KCNH8: variants seen among roughly 807,000 people sequenced by gnomAD.
KCNH8 encodes the protein voltage-gated delayed rectifier potassium channel KCNH8.
Under a neutral mutation model 103.6 loss-of-function variants are expected in KCNH8, and 70 were observed. The ratio of observed to expected loss-of-function variants is 0.68; its 90% confidence interval spans 0.56 to 0.82. The LOEUF is 0.82. Ranked by LOEUF, KCNH8 falls within the 40% of genes least tolerant of loss-of-function variation. KCNH8 has a pLI of 0.00. For missense variants in KCNH8, 1,217 were observed against 1,329.9 expected, an observed-to-expected ratio of 0.92 and a Z score of 1.32; for synonymous variants, 498 against 489.4, an observed-to-expected ratio of 1.02 and a Z score of -0.23.
chr3:19,388,710 T>C (rs779510158), intron 5 of KCNH8, among the ~76,000 whole-genome samples: 27 of 152,142 alleles, frequency 1.8e-4, no homozygotes, highest in Admixed American at 3.9e-4. Context: ...GTTTTCTTTT[T>C]GGGTCACCCA....
intron 2 of KCNH8, among the ~76,000 whole-genome samples, chr3:19,273,183 C>T (rs978317107): frequency 6.6e-6 from 1 of 152,208 alleles, no homozygotes; most frequent in Non-Finnish European, 1.5e-5. Flanking sequence ...ATAGATTCCT[C>T]CAACTAAAGC....
chr3:19,290,040 C>G (rs904159553), intron 3 of KCNH8, among the ~76,000 whole-genome samples: 3 of 152,016 alleles, frequency 2.0e-5, no homozygotes, highest in Non-Finnish European at 4.4e-5. Flanking sequence ...TGATTTGGCT[C>G]TCTGTTTGTC....
At chr3:19,436,973 T>C (rs2067208637) in intron 7 of KCNH8, among the ~76,000 whole-genome samples, 2 of 152,182 alleles carry the variant, frequency 1.3e-5, no homozygotes, top group Non-Finnish European at 2.9e-5. Flanking sequence ...TAAGGCACAG[T>C]ACTTGCCCTT....
intron 1 of KCNH8, among the ~76,000 whole-genome samples, chr3:19,253,403 A>G (rs897555364): frequency 6.6e-6 from 1 of 151,948 alleles, no homozygotes; most frequent in Admixed American, 6.6e-5. Context: ...TAGGTGCCAC[A>G]AAGCAGACCA....
At position 19,288,181 on chromosome 3, in the gene KCNH8, C is replaced by CTTTTTTTTTTTCTTTTT. The variant is rs2064861256; in HGVS notation, c.442+6863_442+6864insCTTTTTTTTTTTTTTTT. Among the ~76,000 whole-genome samples the CTTTTTTTTTTTCTTTTT allele has an allele frequency of 1.0e-3, 38 of 38,170 alleles. 4 individuals are homozygous for CTTTTTTTTTTTCTTTTT. The highest frequency in any genetic ancestry group is 3.7e-3 in the African/African-American group (38 of 10,386). The allele number at this position is 38,170 out of a possible 152,430, so 25.0% of individuals were successfully genotyped here. A position where few individuals can be genotyped will look rare whatever the true frequency, so the allele number is the denominator to read the frequency against. ...CTTCTTGCACCGGTGTATCAAACTT[C>CTTTTTTTTTTTCTTTTT]TTTTTTTTTTTTTTTTTTTTTTTTT... On this transcript the variant is annotated intron_variant, in intron 3 of 15. Transcript: ENST00000328405.
At chr3:19,303,139 C>T (rs2065085315) in intron 3 of KCNH8, among the ~76,000 whole-genome samples, 1 of 152,114 alleles carries the variant, frequency 6.6e-6, no homozygotes, top group South Asian at 2.1e-4. Context: ...TTAGTGCAAT[C>T]AGAAAGCTTG....
At chr3:19,387,851 T>G (rs9818641) in intron 5 of KCNH8, among the ~76,000 whole-genome samples, 1 of 151,800 alleles carries the variant, frequency 6.6e-6, no homozygotes, top group Non-Finnish European at 1.5e-5. Flanking sequence ...TTTTCATTCC[T>G]TTAACTCAAT....
chr3:19,469,488 G>A (rs911328590), intron 11 of KCNH8, among the ~76,000 whole-genome samples: 2 of 152,054 alleles, frequency 1.3e-5, no homozygotes, highest in Non-Finnish European at 2.9e-5. Context: ...CACCCGGGCT[G>A]GAATGCAGTG....
intron 4 of KCNH8, among the ~76,000 whole-genome samples, chr3:19,343,174 A>C (rs1575541981): frequency 6.6e-6 from 1 of 152,120 alleles, no homozygotes; most frequent in Non-Finnish European, 1.5e-5. Flanking sequence ...CCATTAAAAA[A>C]CTTACATTTT....
At chr3:19,334,724 C>G (rs2065558377) in intron 3 of KCNH8, among the ~76,000 whole-genome samples, 1 of 147,988 alleles carries the variant, frequency 6.8e-6, no homozygotes, top group Admixed American at 6.7e-5. Flanking sequence ...AAAAAAAAAG[C>G]CTAGAACAAA....
At chr3:19,258,947 C>CTCTCTCTCTCTCTCTATATA (rs1321918245) in intron 2 of KCNH8, among the ~76,000 whole-genome samples, 1 of 24,802 alleles carries the variant, frequency 4.0e-5, no homozygotes, top group Non-Finnish European at 8.0e-5. Context: ...CTCTCTCTCT[C>CTCTCTCTCTCTCTCTATATA]TATATATATA....
chr3:19,498,440 T>G (rs1011272150), intron 11 of KCNH8, among the ~76,000 whole-genome samples: 3 of 152,210 alleles, frequency 2.0e-5, no homozygotes, highest in Non-Finnish European at 4.4e-5. Context: ...GCAGGCATGG[T>G]GGTAATGAAT....
chr3:19,338,374 A>G (rs934104084), intron 3 of KCNH8, among the ~76,000 whole-genome samples: 2 of 152,004 alleles, frequency 1.3e-5, no homozygotes, highest in East Asian at 1.9e-4. Context: ...TCGGTCATCC[A>G]TATCAAGCAG....
At chr3:19,243,243 G>A (rs2064164518) in intron 1 of KCNH8, among the ~76,000 whole-genome samples, 1 of 152,072 alleles carries the variant, frequency 6.6e-6, no homozygotes, top group African/African-American at 2.4e-5. Context: ...ACCTGTGTTG[G>A]TTTGTTTCTC....
intron 15 of KCNH8, among the ~76,000 whole-genome samples, chr3:19,527,654 C>G (rs937755169): frequency 5.3e-5 from 8 of 152,072 alleles, no homozygotes; most frequent in African/African-American, 1.9e-4. Flanking sequence ...CTGGATACAG[C>G]AGAAATAGAA....
intron 1 of KCNH8, among the ~76,000 whole-genome samples, chr3:19,233,502 T>TA (rs1164978075): frequency 6.6e-6 from 1 of 152,140 alleles, no homozygotes; most frequent in East Asian, 1.9e-4. Context: ...GATAAACTGT[T>TA]AGAGTTTATC....
Position 19,533,682 on chromosome 3 carries a change from C to T in KCNH8, c.2907C>T (p.Ser969=). The T allele has an allele frequency of 2.5e-6, 4 of 1,614,036 alleles. No homozygotes were observed. Among genetic ancestry groups the T allele is most frequent in the Non-Finnish European group, 2.5e-6 (3 of 1,179,970 alleles). Reference sequence around the variant, plus strand: ...TGGATCCCTCCTCTGTGGGGAGCAGCCCCCAACGAACTGGAGCTCATGAGC... The same window carrying T: ...TGGATCCCTCCTCTGTGGGGAGCAGTCCCCAACGAACTGGAGCTCATGAGC... ...WSVDPSSVGS[S]PQRTGAHEQN... is the part of the protein sequence containing the mutation. Residue 969 remains serine (S), a synonymous_variant, in exon 16 of 16, where the codon AGC becomes AGT. Transcript: ENST00000328405.
intron 1 of KCNH8, among the ~76,000 whole-genome samples, chr3:19,221,598 A>T (rs1428878260): frequency 6.6e-6 from 1 of 151,838 alleles, no homozygotes; most frequent in Non-Finnish European, 1.5e-5. Context: ...TCCTATTTTT[A>T]AAAAACATTA....
chr3:19,231,553 C>A (rs950839069), intron 1 of KCNH8, among the ~76,000 whole-genome samples: 1 of 151,992 alleles, frequency 6.6e-6, no homozygotes, highest in Non-Finnish European at 1.5e-5. Context: ...GAGATGGCAT[C>A]TTTTTTCCAA....
Sources: allele counts gnomAD v4.1 joint callset (sites outside exome capture counted in the v4.1 genomes callset), GRCh38; gene constraint gnomAD v4.1.1; transcripts MANE v1.5; gene names NCBI Gene and HGNC (gene_info 2026-07-23, HGNC 2026-07-21).